The following CYTH1 variants were observed in gnomAD, a reference collection of about 807,000 sequenced individuals.
The protein encoded by CYTH1 is cytohesin 1.
Under a neutral mutation model 61.8 loss-of-function variants are expected in CYTH1, and 18 were observed. The ratio of observed to expected loss-of-function variants is 0.29; its 90% confidence interval spans 0.20 to 0.43. The LOEUF (loss-of-function observed/expected upper bound fraction) is 0.43, where lower values mean the gene tolerates loss of function less well. Among genes scored for constraint, CYTH1 ranks in the 20% least tolerant of loss-of-function variants. The pLI is 1.00. For synonymous variants in CYTH1, 174 were observed against 184.3 expected, an observed-to-expected ratio of 0.94 and a Z score of 0.45; for missense variants, 336 against 510.5, an observed-to-expected ratio of 0.66 and a Z score of 3.29.
intron 1 of CYTH1, among the ~76,000 whole-genome samples, chr17:78,760,425 ACACATACATATATATATG>A (rs1165815028): frequency 8.6e-5 from 6 of 69,524 alleles, no homozygotes; most frequent in Admixed American, 1.6e-4. Flanking sequence ...ATATATATAT[ACACATACATATATATATG>A]TATATATATA....
In CYTH1 at chr17:78,717,691, C is replaced by A; in HGVS notation, c.23-7959G>T. Among the ~76,000 whole-genome samples, 1 of 152,146 alleles carries A rather than the reference C, an allele frequency of 6.6e-6. No individual in the cohort carries two copies. Among genetic ancestry groups the A allele is most frequent in the Non-Finnish European group, 1.5e-5 (1 of 68,034 alleles). The stretch of plus-strand genomic sequence containing the variant: ...GCGCTCCACCGGCCACAGGCAGATG[C>A]CCGGGGATATGCCATAAAGTTCCAC... On this transcript the variant is annotated intron_variant, in intron 1 of 13. Transcript: ENST00000446868. This position sits in a 1 kb window ranked among gnomAD's most constrained non-coding sequence, Gnocchi z 4.4.
rs978656976 is a variant in CYTH1, at chr17:78,717,093, G to A, written c.23-7361C>T. ...CAGCTCCTCCCTCCCCCACTGCCACGTGCTGCAGCCATGCTTATGTGCCAG... is the reference window on the plus strand; with the variant it reads ...CAGCTCCTCCCTCCCCCACTGCCACATGCTGCAGCCATGCTTATGTGCCAG... On this transcript the variant is annotated intron_variant, in intron 1 of 13. Coordinates refer to ENST00000446868, the MANE Select transcript of CYTH1 (RefSeq NM_004762.6). This position sits in a 1 kb window ranked among gnomAD's most constrained non-coding sequence, Gnocchi z 4.4. 1 of 152,558 alleles carries A rather than the reference G, an allele frequency of 6.6e-6. No individual in the cohort carries two copies. Among genetic ancestry groups the A allele is most frequent in the Non-Finnish European group, 1.5e-5 (1 of 68,316 alleles). 9.5% of individuals were successfully genotyped at this position (152,558 alleles called of 1,614,324 possible). A position where few individuals can be genotyped will look rare whatever the true frequency, so the allele number is the denominator to read the frequency against.
At chr17:78,695,933 A>T (rs1958956406) in intron 10 of CYTH1, 74 bp downstream of exon 10, 2 of 1,362,426 alleles carry the variant, frequency 1.5e-6, no homozygotes, top group Non-Finnish European at 2.0e-6. Flanking sequence ...ATAACCAAAA[A>T]TAACGAAATC....
At chr17:78,762,832 G>C (rs1456442793) in intron 1 of CYTH1, among the ~76,000 whole-genome samples, 1 of 152,146 alleles carries the variant, frequency 6.6e-6, no homozygotes, top group African/African-American at 2.4e-5. Context: ...AGGTAAGGAA[G>C]TAGATCTTTC....
At chr17:78,708,808 G>C (rs1431757228) in intron 2 of CYTH1, 4 of 154,274 alleles carry the variant, frequency 2.6e-5, no homozygotes, top group African/African-American at 9.6e-5. Context: ...ACGGGGAAGT[G>C]GGGCTTAAGT....
chr17:78,731,241 A>G (rs2093292475), intron 1 of CYTH1, among the ~76,000 whole-genome samples: 1 of 152,200 alleles, frequency 6.6e-6, no homozygotes, highest in Admixed American at 6.5e-5. Context: ...CAGGAGCCAC[A>G]GCAATGGCTT....
At chr17:78,744,150 T>C (rs1044879969) in intron 1 of CYTH1, among the ~76,000 whole-genome samples, 6 of 152,238 alleles carry the variant, frequency 3.9e-5, no homozygotes, top group African/African-American at 1.4e-4. Context: ...ACTCGCTCTC[T>C]GTATCTTCAC....
In CYTH1 at chr17:78,686,586, C is replaced by T. The variant is rs140542948; in HGVS notation, c.892-5544G>A. Among the ~76,000 whole-genome samples, 167 of 152,156 alleles carry T rather than the reference C, an allele frequency of 1.1e-3. 1 individual carries two copies. The highest frequency in any genetic ancestry group is 3.9e-3 in the African/African-American group (161 of 41,496). ...GGGAGAGCTCATCGAAGATACTCCC[C>T]GAGTTCTGGTCTTTCCTCTCGGATT... On this transcript the variant is annotated intron_variant, in intron 11 of 13. Coordinates refer to ENST00000446868, the MANE Select transcript of CYTH1 (RefSeq NM_004762.6).
At chr17:78,757,460 G>T (rs1385492178) in intron 1 of CYTH1, among the ~76,000 whole-genome samples, 1 of 152,054 alleles carries the variant, frequency 6.6e-6, no homozygotes, top group African/African-American at 2.4e-5. Flanking sequence ...GCTCATTATA[G>T]GTGTTCAATA....
At chr17:78,692,091 T>C (rs1409729426) in intron 11 of CYTH1, 1 of 266,042 alleles carries the variant, frequency 3.8e-6, no homozygotes, top group Non-Finnish European at 7.2e-6. Context: ...ACATACTCTT[T>C]CTCGGCAACC....
At chr17:78,733,303 C>T (rs2093304398) in intron 1 of CYTH1, among the ~76,000 whole-genome samples, 1 of 152,194 alleles carries the variant, frequency 6.6e-6, no homozygotes, top group Non-Finnish European at 1.5e-5. Flanking sequence ...CAAAGCTCAA[C>T]TGTAACTCTG....
rs2092683067 is a variant in CYTH1 at position 78,675,044 on chromosome 17, GA to G, written c.*1046del. 1 of 152,284 alleles carries G rather than the reference GA, an allele frequency of 6.6e-6. No individual in the cohort carries two copies. The highest frequency in any genetic ancestry group is 2.1e-4 in the South Asian group (1 of 4,834). The allele number at this position is 152,284 out of a possible 1,614,324, so 9.4% of individuals were successfully genotyped here. A position where few individuals can be genotyped will look rare whatever the true frequency, so the allele number is the denominator to read the frequency against. On this transcript the variant is annotated 3_prime_UTR_variant, in exon 14 of 14. Coordinates refer to ENST00000446868, the MANE Select transcript of CYTH1 (RefSeq NM_004762.6). ...GGCTGGTTTTGAGGCAGAAAAAGCTGAAGCCCTACGGGGATCGGGGAAGTCC... is the reference window on the plus strand; with the variant it reads ...GGCTGGTTTTGAGGCAGAAAAAGCTGAGCCCTACGGGGATCGGGGAAGTCC...
chr17:78,766,559 T>C (rs867630044), intron 1 of CYTH1, among the ~76,000 whole-genome samples: 7 of 152,326 alleles, frequency 4.6e-5, no homozygotes, highest in Middle Eastern at 3.4e-3. Flanking sequence ...CTTTACTGCA[T>C]GATCCTACAA....
intron 13 of CYTH1, 180 bp from the exon 14 acceptor site, chr17:78,676,349 A>AC: frequency 1.6e-6 from 1 of 607,134 alleles, no homozygotes; most frequent in Admixed American, 3.2e-5. Flanking sequence ...ACCTAAGGTG[A>AC]CACACTTCGA....
rs906141181 is a variant in CYTH1, at chr17:78,706,343, G to A, written c.170+1854C>T. Among the ~76,000 whole-genome samples the A allele has an allele frequency of 2.3e-5, 3 of 130,520 alleles. No homozygotes were observed. The Admixed American group carries it at 2.8e-4, about 12-fold the overall frequency. The allele number at this position is 130,520 out of a possible 152,430, so 85.6% of individuals were successfully genotyped here. A position where few individuals can be genotyped will look rare whatever the true frequency, so the allele number is the denominator to read the frequency against. On this transcript the variant is annotated intron_variant, in intron 3 of 13. Coordinates refer to ENST00000446868, the MANE Select transcript of CYTH1 (RefSeq NM_004762.6). ...TCGGAGGCAGCACTGTCATGATTTC[G>A]GCTAGCACACTAGCACAGCTTAGTT...
At chr17:78,744,180 A>C (rs1297013017) in intron 1 of CYTH1, among the ~76,000 whole-genome samples, 3 of 152,188 alleles carry the variant, frequency 2.0e-5, no homozygotes, top group Admixed American at 2.0e-4. Flanking sequence ...CAGAAATTAA[A>C]CCTTCATGTT....
chr17:78,686,649 G>C (rs1272308186), intron 11 of CYTH1, among the ~76,000 whole-genome samples: 1 of 152,160 alleles, frequency 6.6e-6, no homozygotes, highest in Non-Finnish European at 1.5e-5. Context: ...CATCTATCTG[G>C]GCAGCAGTCC....
chr17:78,719,226 G>A (rs185807466), intron 1 of CYTH1, among the ~76,000 whole-genome samples: 16 of 152,282 alleles, frequency 1.1e-4, no homozygotes, highest in African/African-American at 3.4e-4. Flanking sequence ...AAGTTACTTC[G>A]GCTATCTGTG....
chr17:78,702,988 G>A (rs2093028680), intron 3 of CYTH1, among the ~76,000 whole-genome samples: 1 of 152,076 alleles, frequency 6.6e-6, no homozygotes, highest in African/African-American at 2.4e-5. Context: ...TGCTCACTGT[G>A]TTGCCCAGGC....
Sources: gnomAD v4.1 joint callset for allele counts (sites outside exome capture counted in the v4.1 genomes callset) on GRCh38, gnomAD v4.1.1 for gene constraint, Gnocchi (gnomAD v3.1) non-coding constraint, MANE v1.5 for transcripts, NCBI Gene and HGNC (gene_info 2026-07-23, HGNC 2026-07-21) for gene names.